Variants in SUGCT observed in about 807,000 individuals in gnomAD.
SUGCT encodes the protein succinyl-CoA:glutarate CoA-transferase.
In SUGCT, 41 loss-of-function variants were observed where a neutral mutation model predicts 55.0. The ratio of observed to expected loss-of-function variants is 0.74; its 90% confidence interval spans 0.58 to 0.97. SUGCT has a LOEUF of 0.97. SUGCT is among the 50% of genes least tolerant of loss of function. The pLI is 0.00. For missense variants in SUGCT, 568 were observed against 547.8 expected (o/e 1.04, Z -0.37); for synonymous variants, 187 against 200.4 (o/e 0.93, Z 0.56).
At chr7:40,144,265 C>T (rs1229786509) in intron 1 of SUGCT, among the ~76,000 whole-genome samples, 1 of 152,040 alleles carries the variant, frequency 6.6e-6, no homozygotes, top group East Asian at 1.9e-4. Flanking sequence ...GCATCAAATG[C>T]AATAGTTTGA....
At chr7:40,428,852 C>G (rs1400473965) in intron 9 of SUGCT, among the ~76,000 whole-genome samples, 1 of 152,138 alleles carries the variant, frequency 6.6e-6, no homozygotes, top group African/African-American at 2.4e-5. Context: ...TTTCATATTG[C>G]TATCTAATGT....
At chr7:40,202,705 A>G (rs1051084412) in intron 6 of SUGCT, among the ~76,000 whole-genome samples, 1 of 151,998 alleles carries the variant, frequency 6.6e-6, no homozygotes, top group Admixed American at 6.6e-5. Flanking sequence ...GGAGTTTTGT[A>G]GTCTCCTCAG....
chr7:40,902,233 C>T, the SUGCT span, among the ~76,000 whole-genome samples: 1 of 152,132 alleles, frequency 6.6e-6, no homozygotes, highest in Non-Finnish European at 1.5e-5. Context: ...AAAAAACAAG[C>T]ATACATTATG....
intron 7 of SUGCT, among the ~76,000 whole-genome samples, chr7:40,251,062 C>T (rs912119926): frequency 6.6e-5 from 10 of 152,136 alleles, no homozygotes; most frequent in African/African-American, 2.4e-4. Flanking sequence ...AACCCCTGAC[C>T]TTGTGATCCA....
chr7:40,480,933 A>G (rs1790996676), intron 11 of SUGCT, among the ~76,000 whole-genome samples: 1 of 152,182 alleles, frequency 6.6e-6, no homozygotes, highest in East Asian at 1.9e-4. Context: ...TCAAAGAGTA[A>G]GAACAGAATA....
At chr7:40,554,309 A>G (rs994674061) in intron 12 of SUGCT, among the ~76,000 whole-genome samples, 1 of 152,230 alleles carries the variant, frequency 6.6e-6, no homozygotes, top group Non-Finnish European at 1.5e-5. Context: ...ATGTAACAAC[A>G]GATCTGGAGA....
chr7:40,782,748 T>C (rs1289934013), intron 13 of SUGCT: 1 of 152,206 alleles, frequency 6.6e-6, no homozygotes, highest in Non-Finnish European at 1.5e-5. Flanking sequence ...CCTTTTCAGA[T>C]TGAATTCATC....
At chr7:40,567,380 T>C (rs1796209225) in intron 12 of SUGCT, among the ~76,000 whole-genome samples, 6 of 152,226 alleles carry the variant, frequency 3.9e-5, no homozygotes, top group Admixed American at 3.9e-4. Flanking sequence ...GTCTGCAATA[T>C]TTTACTCAGT....
At chr7:40,536,562 G>A (rs1040837716) in intron 12 of SUGCT, among the ~76,000 whole-genome samples, 1 of 152,164 alleles carries the variant, frequency 6.6e-6, no homozygotes, top group Non-Finnish European at 1.5e-5. Flanking sequence ...AGCCACATAG[G>A]GCCAGGCAAG....
At chr7:40,586,892 T>C (rs1276538416) in intron 12 of SUGCT, among the ~76,000 whole-genome samples, 1 of 152,232 alleles carries the variant, frequency 6.6e-6, no homozygotes, top group Non-Finnish European at 1.5e-5. Flanking sequence ...TAAATGTCTT[T>C]TAACTGGTAA....
intron 13 of SUGCT, among the ~76,000 whole-genome samples, chr7:40,774,650 A>C (rs1388801115): frequency 2.0e-5 from 3 of 152,112 alleles, no homozygotes; most frequent in African/African-American, 7.2e-5. Context: ...ACTTGTCTAC[A>C]GATTATAAAG....
At chr7:40,571,019 T>C (rs1039158735) in intron 12 of SUGCT, among the ~76,000 whole-genome samples, 1 of 152,030 alleles carries the variant, frequency 6.6e-6, no homozygotes, top group African/African-American at 2.4e-5. Flanking sequence ...GCCACAGTGC[T>C]ATAAAAGCTG....
intron 12 of SUGCT, among the ~76,000 whole-genome samples, chr7:40,617,978 T>C (rs1044518518): frequency 6.6e-6 from 1 of 152,204 alleles, no homozygotes; most frequent in Admixed American, 6.5e-5. Flanking sequence ...ACTATAATCC[T>C]GTTGCTTAGT....
the SUGCT span, among the ~76,000 whole-genome samples, chr7:40,943,909 G>A: frequency 2.3e-3 from 344 of 149,946 alleles, no homozygotes; most frequent in Non-Finnish European, 4.2e-3. Context: ...GTGTAAAAGT[G>A]TTCCTATTTC....
chr7:40,223,937 C>T (rs1252407881), intron 6 of SUGCT, among the ~76,000 whole-genome samples: 1 of 152,192 alleles, frequency 6.6e-6, no homozygotes, highest in Non-Finnish European at 1.5e-5. Context: ...CTGTACTGAA[C>T]ATTTCTGTGT....
At chr7:40,973,394 T>C in the SUGCT span, among the ~76,000 whole-genome samples, 1 of 152,378 alleles carries the variant, frequency 6.6e-6, no homozygotes, top group East Asian at 1.9e-4. Flanking sequence ...CTTACTTTTT[T>C]ACTACCCTTC....
intron 6 of SUGCT, among the ~76,000 whole-genome samples, chr7:40,197,625 T>C (rs1297971751): frequency 6.6e-6 from 1 of 152,180 alleles, no homozygotes; most frequent in Non-Finnish European, 1.5e-5. Flanking sequence ...CAAGCCCATT[T>C]TCACCAGTGT....
intron 13 of SUGCT, among the ~76,000 whole-genome samples, chr7:40,755,195 A>G (rs553715399): frequency 1.3e-5 from 2 of 152,326 alleles, no homozygotes; most frequent in South Asian, 4.1e-4. Flanking sequence ...TGAGATTCCT[A>G]CTGTCTGAGG....
At chr7:40,645,289 A>T (rs1189131912) in intron 12 of SUGCT, among the ~76,000 whole-genome samples, 1 of 152,110 alleles carries the variant, frequency 6.6e-6, no homozygotes, top group Non-Finnish European at 1.5e-5. Context: ...AGAGCAAGTG[A>T]GAGGACAGTC....
Sources: gnomAD v4.1 joint callset for allele counts (sites outside exome capture counted in the v4.1 genomes callset) on GRCh38, gnomAD v4.1.1 for gene constraint, MANE v1.5 for transcripts, NCBI Gene and HGNC (gene_info 2026-07-23, HGNC 2026-07-21) for gene names.